SPIC: variants seen among roughly 807,000 people sequenced by gnomAD.
SPIC encodes the protein Spi-C transcription factor, also known as transcription factor Spi-C.
Under a neutral mutation model 16.7 loss-of-function variants are expected in SPIC, and 9 were observed. That is an observed-to-expected ratio of 0.54 (90% CI 0.33 to 0.94). The LOEUF (loss-of-function observed/expected upper bound fraction) is 0.94. Among genes scored for constraint, SPIC ranks in the 40% least tolerant of loss-of-function variants. The pLI is 0.03. For synonymous variants in SPIC, 97 were observed against 102.9 expected (o/e 0.94, Z 0.35); for missense variants, 241 against 285.8 (o/e 0.84, Z 1.13).
intron 1 of SPIC, among the ~76,000 whole-genome samples, chr12:101,476,413 A>T (rs940250316): frequency 6.6e-6 from 1 of 152,312 alleles, no homozygotes; most frequent in East Asian, 1.9e-4. Context: ...CTTTTGCCAG[A>T]TTCTCAGAAG....
At chr12:101,480,287 C>T (rs1873147114) in intron 4 of SPIC, among the ~76,000 whole-genome samples, 1 of 152,186 alleles carries the variant, frequency 6.6e-6, no homozygotes, top group Non-Finnish European at 1.5e-5. Context: ...ATATCAGTTG[C>T]TTCTCCTTAG....
chr12:101,475,380 TA>T lies in SPIC; in HGVS notation c.-199del, dbSNP rs576989435. ...TTCTAATTTTTAAAAAAAATATTAC[TA>T]TTTTTTTTCATCAGAGCCATTGCAC... On this transcript the variant is annotated 5_prime_UTR_variant, in exon 1 of 6. Transcript: ENST00000551346. 25 of 152,276 alleles carry T rather than the reference TA, an allele frequency of 1.6e-4. No individual in the cohort carries two copies. The highest frequency in any genetic ancestry group is 3.2e-4 in the Non-Finnish European group (22 of 68,010). 9.4% of individuals were successfully genotyped at this position (152,276 alleles called of 1,614,324 possible).
chr12:101,486,804 C>G lies in SPIC; in HGVS notation c.*33C>G. On this transcript the variant is annotated 3_prime_UTR_variant, in exon 6 of 6. Transcript: ENST00000551346. ...TTCATATTTCATGGTTTACTGGCAT[C>G]GGAAATCTCTACAAGTTTTAATGAT... 1 of 1,455,068 alleles carries G rather than the reference C, an allele frequency of 6.9e-7. No individual in the cohort carries two copies. The highest frequency in any genetic ancestry group is 9.2e-7 in the Non-Finnish European group (1 of 1,089,884). The allele number at this position is 1,455,068 out of a possible 1,614,324, so 90.1% of individuals were successfully genotyped here.
rs555231710 is a variant in SPIC at position 101,486,272 on chromosome 12, A to G, written c.320-72A>G. The G allele has an allele frequency of 2.0e-5, 30 of 1,474,948 alleles. No homozygotes were observed. In the African/African-American group the frequency reaches 4.0e-4, roughly 19 times the overall value. The allele number at this position is 1,474,948 out of a possible 1,614,324, so 91.4% of individuals were successfully genotyped here. A position where few individuals can be genotyped will look rare whatever the true frequency, so the allele number is the denominator to read the frequency against. ...GCAGCTTTTAATTCAGTAGTTGCTC[A>G]ACAAACCCTTTCTGAGGATGTTCTC... On this transcript the variant is annotated intron_variant, in intron 5 of 5. Transcript: ENST00000551346.
chr12:101,479,235 A>G (rs923066226), intron 3 of SPIC, among the ~76,000 whole-genome samples: 3,023 of 99,256 alleles, frequency 0.03, 214 homozygotes, highest in African/African-American at 0.056. Context: ...AAAGAAAGAA[A>G]GAAAGAAAAA....
chr12:101,479,989 G>A (rs186653693), intron 4 of SPIC, among the ~76,000 whole-genome samples: 3 of 151,974 alleles, frequency 2.0e-5, no homozygotes, highest in African/African-American at 7.2e-5. Flanking sequence ...GTTAACTTCT[G>A]TATTTTTAGT....
chr12:101,484,876 A>G (rs1873320742), intron 5 of SPIC, among the ~76,000 whole-genome samples: 1 of 151,906 alleles, frequency 6.6e-6, no homozygotes, highest in African/African-American at 2.4e-5. Context: ...TCCAAAAATT[A>G]ATAAATAAAA....
intron 5 of SPIC, among the ~76,000 whole-genome samples, chr12:101,484,750 C>T (rs370430042): frequency 3.3e-5 from 5 of 151,398 alleles, no homozygotes; most frequent in African/African-American, 1.2e-4. Flanking sequence ...GCAGGCAGAT[C>T]ACTCGAGGTC....
chr12:101,479,655 G>A lies in SPIC; in HGVS notation c.171G>A (p.Leu57=). 1 of 1,613,554 alleles carries A rather than the reference G, an allele frequency of 6.2e-7. No individual in the cohort carries two copies. The highest frequency in any genetic ancestry group is 8.5e-7 in the Non-Finnish European group (1 of 1,179,660). The change falls in exon 4 of 6, where the codon TTG becomes TTA. Residue 57 remains leucine (L), a synonymous_variant. Transcript: ENST00000551346. ...GAAATTCCAGCTGCTATGGAGTGTT[G>A]CCTACAGAGGAGCCTGTCTATAATT... ...VKGNSSCYGV[L]PTEEPVYNWR... is the part of the protein sequence containing the mutation.
chr12:101,479,300 G>GA (rs3084612), intron 3 of SPIC, among the ~76,000 whole-genome samples: 1 of 76,846 alleles, frequency 1.3e-5, no homozygotes, highest in Non-Finnish European at 2.4e-5. Flanking sequence ...AAGAAAGAAA[G>GA]AAAGAAAAAA....
rs368728458 is a variant in SPIC, at chr12:101,486,331, C to T, written c.320-13C>T. On this transcript the variant is annotated splice_polypyrimidine_tract_variant and intron_variant, in intron 5 of 5. Coordinates refer to ENST00000551346, the MANE Select transcript of SPIC (RefSeq NM_152323.3). ...GCCACGGTGGAGTTTGACCTTGTTT[C>T]CCTTCATTTTAGGCAGGAAGAAGCT... 3 of 1,592,058 alleles carry T rather than the reference C, an allele frequency of 1.9e-6. No homozygotes were observed. The South Asian group carries it at 3.4e-5, about 18-fold the overall frequency.
intron 4 of SPIC, among the ~76,000 whole-genome samples, chr12:101,481,905 G>A (rs1324510558): frequency 2.1e-5 from 3 of 141,232 alleles, no homozygotes; most frequent in Non-Finnish European, 3.1e-5. Flanking sequence ...CGCCCGCCTC[G>A]GCCTCCCAAA....
intron 4 of SPIC, among the ~76,000 whole-genome samples, chr12:101,482,402 A>T (rs554762432): frequency 6.6e-6 from 1 of 151,806 alleles, no homozygotes; most frequent in African/African-American, 2.4e-5. Context: ...TATTGTTTTC[A>T]TTACTTATTT....
In SPIC at chr12:101,477,324, T is replaced by C. The variant is rs1015165309; in HGVS notation, c.4-234T>C. 2.0e-5 allele frequency among the ~76,000 whole-genome samples: 3 copies of C among 152,334 alleles called. No individual in the cohort carries two copies. The East Asian group carries it at 5.8e-4, about 29-fold the overall frequency. On this transcript the variant is annotated intron_variant, in intron 2 of 5. Transcript: ENST00000551346. Reference sequence around the variant, plus strand: ...ACATTTGGTGATGTCGGAAACATTTTTGACGGTCACAACTGTGAAGGTACT... The same window carrying C: ...ACATTTGGTGATGTCGGAAACATTTCTGACGGTCACAACTGTGAAGGTACT...
At chr12:101,479,476 A>G in intron 3 of SPIC, 106 bp from the exon 4 acceptor site, 2 of 785,026 alleles carry the variant, frequency 2.5e-6, no homozygotes, top group Admixed American at 5.1e-5. Flanking sequence ...GCAAGAAAAC[A>G]TAGATGAGAG....
At chr12:101,479,261 G>A (rs5023425) in intron 3 of SPIC, among the ~76,000 whole-genome samples, 12,135 of 45,120 alleles carry the variant, frequency 0.27, 1,969 homozygotes, top group African/African-American at 0.45. Flanking sequence ...AAAGAAGGAA[G>A]GAAAGAAAGA....
chr12:101,476,444 G>T (rs1254544959), intron 1 of SPIC, among the ~76,000 whole-genome samples: 1 of 151,914 alleles, frequency 6.6e-6, no homozygotes, highest in Non-Finnish European at 1.5e-5. Flanking sequence ...ACCAAAGAAA[G>T]GTTTTTTAAA....
intron 3 of SPIC, among the ~76,000 whole-genome samples, chr12:101,478,033 CT>C (rs71091502): frequency 1.8e-3 from 249 of 137,680 alleles, no homozygotes; most frequent in Middle Eastern, 3.9e-3. Flanking sequence ...TTTCTTTTTT[CT>C]TTTTTTTTTT....
At position 101,479,245 on chromosome 12, in the gene SPIC, A is replaced by AG. The variant is rs1565831195; in HGVS notation, c.98-336dup. 2.8e-3 allele frequency among the ~76,000 whole-genome samples: 294 copies of AG among 104,210 alleles called. 16 individuals carry two copies. Among genetic ancestry groups the AG allele is most frequent in the African/African-American group, 7.7e-3 (156 of 20,194 alleles). The allele number at this position is 104,210 out of a possible 152,430, so 68.4% of individuals were successfully genotyped here. A position where few individuals can be genotyped will look rare whatever the true frequency, so the allele number is the denominator to read the frequency against. On this transcript the variant is annotated intron_variant, in intron 3 of 5. Coordinates refer to ENST00000551346, the MANE Select transcript of SPIC (RefSeq NM_152323.3). Reference sequence around the variant, plus strand: ...GAAGGAAAGAAAGAAAGAAAGAAAAAGAAAGAAAGAAGGAAGGAAAGAAAG... The same window carrying AG: ...GAAGGAAAGAAAGAAAGAAAGAAAAAGGAAAGAAAGAAGGAAGGAAAGAAAG...
Sources: allele counts gnomAD v4.1 joint callset (sites outside exome capture counted in the v4.1 genomes callset), GRCh38; gene constraint gnomAD v4.1.1; transcripts MANE v1.5; gene names NCBI Gene and HGNC (gene_info 2026-07-23, HGNC 2026-07-21).